PLEKHA6: variants seen among roughly 807,000 people sequenced by gnomAD.
PLEKHA6 encodes pleckstrin homology domain-containing family A member 6.
PLEKHA6 carries 60 observed loss-of-function variants against 116.7 expected under a neutral mutation model. The ratio of observed to expected loss-of-function variants is 0.51; its 90% CI spans 0.42 to 0.64. The LOEUF (loss-of-function observed/expected upper bound fraction) is 0.64, where lower values mean the gene tolerates loss of function less well. Ranked by LOEUF, PLEKHA6 falls within the 30% of genes least tolerant of loss-of-function variation. PLEKHA6 has a pLI of 0.00. For synonymous variants in PLEKHA6, 489 were observed against 556.1 expected, an observed-to-expected ratio of 0.88 and a Z score of 1.70; for missense variants, 1,338 against 1,422.7, an observed-to-expected ratio of 0.94 and a Z score of 0.96.
At chr1:204,369,440 T>A (rs916200490) in intron 2 of PLEKHA6, 8 of 152,174 alleles carry the variant, frequency 5.3e-5, no homozygotes, top group African/African-American at 1.9e-4. Context: ...ACGTTGCCAT[T>A]CAGGAGGGCG....
intron 1 of PLEKHA6, among the ~76,000 whole-genome samples, chr1:204,351,284 G>A (rs965337635): frequency 1.3e-5 from 2 of 152,158 alleles, no homozygotes; most frequent in Non-Finnish European, 2.9e-5. Context: ...TGTTTCCCAT[G>A]AAGCAGGCTC....
Position 204,257,369 on chromosome 1 carries a change from G to T in PLEKHA6, c.1508C>A (p.Ser503Tyr). The T allele has an allele frequency of 6.4e-7, 1 of 1,562,320 alleles. No individual in the cohort carries two copies. Among genetic ancestry groups the T allele is most frequent in the Non-Finnish European group, 8.7e-7 (1 of 1,152,790 alleles). ...GTGGCTCACCTTGGGGGAGCTGATG[G>T]ATCGCCTCATCACATAGGCAGCAGG... ...ADPAAYVMRR[S>Y]ISSPKVPPYP... Residue 503 changes from serine to tyrosine, a missense_variant, in exon 9 of 23, where the codon TCC becomes TAC. Physicochemically the swap from Ser to Tyr is moderately radical, Grantham distance 144. Transcript: ENST00000272203. The surrounding 1 kb of genome is among the most constrained non-coding windows in gnomAD (Gnocchi z 6.5).
chr1:204,247,613 C>T (rs551194088), intron 12 of PLEKHA6, among the ~76,000 whole-genome samples, 153 bp from the exon 13 acceptor site: 4 of 152,318 alleles, frequency 2.6e-5, no homozygotes, highest in African/African-American at 7.2e-5. Context: ...CAGGCTGAGA[C>T]ATTCTGGTGA....
chr1:204,270,691 A>G (rs1268008965), intron 3 of PLEKHA6, among the ~76,000 whole-genome samples: 1 of 152,178 alleles, frequency 6.6e-6, no homozygotes, highest in Non-Finnish European at 1.5e-5. Context: ...CGCCCTCTAC[A>G]ATGAACTAAG....
At chr1:204,241,330 C>G in intron 17 of PLEKHA6, 45 bp downstream of exon 17, 1 of 1,252,684 alleles carries the variant, frequency 8.0e-7, no homozygotes, top group Non-Finnish European at 1.2e-6. Flanking sequence ...GGCCCCTGGG[C>G]TCGCAGCCCA....
At chr1:204,326,881 C>T in intron 1 of PLEKHA6, 1 of 588,552 alleles carries the variant, frequency 1.7e-6, no homozygotes, top group Non-Finnish European at 2.1e-6. Context: ...CTAGCTCCCT[C>T]CTTCCTATAT....
At chr1:204,248,996 G>A (rs377032434) in intron 11 of PLEKHA6, 26 bp from the exon 12 acceptor site, 67 of 1,611,214 alleles carry the variant, frequency 4.2e-5, no homozygotes, top group Non-Finnish European at 5.4e-5. Flanking sequence ...GGAATGACAT[G>A]AGCAGCCCTG....
chr1:204,358,859 A>C (rs1311668192), intron 1 of PLEKHA6, among the ~76,000 whole-genome samples: 1 of 151,184 alleles, frequency 6.6e-6, no homozygotes, highest in Non-Finnish European at 1.5e-5. Flanking sequence ...TGTCTCAAAG[A>C]GCATTTCCCA....
chr1:204,322,140 G>A (rs1480550945), intron 1 of PLEKHA6, among the ~76,000 whole-genome samples: 1 of 152,190 alleles, frequency 6.6e-6, no homozygotes, highest in Non-Finnish European at 1.5e-5. Context: ...GAAAAGTGGT[G>A]CCCAGAGAGG....
At chr1:204,328,349 T>G (rs868117725) in intron 1 of PLEKHA6, among the ~76,000 whole-genome samples, 12 of 151,348 alleles carry the variant, frequency 7.9e-5, no homozygotes, top group Middle Eastern at 6.9e-3. Context: ...CCCAAAGTGC[T>G]GGGACTACAG....
chr1:204,315,909 G>T (rs1332339070), intron 1 of PLEKHA6, among the ~76,000 whole-genome samples: 3 of 152,200 alleles, frequency 2.0e-5, no homozygotes, highest in Non-Finnish European at 4.4e-5. Flanking sequence ...GATTACTGGG[G>T]TACCTGGACT....
At chr1:204,320,566 G>A (rs1672024297) in intron 1 of PLEKHA6, 2 of 777,186 alleles carry the variant, frequency 2.6e-6, no homozygotes, top group African/African-American at 3.7e-5. Context: ...TTTCCCTGGG[G>A]CAAAGAGATA....
At chr1:204,371,712 T>G (rs1673782487) in intron 1 of PLEKHA6, 1 of 152,204 alleles carries the variant, frequency 6.6e-6, no homozygotes, top group South Asian at 2.1e-4. Flanking sequence ...CCCAGACACA[T>G]GAGATGAGAG....
chr1:204,236,628 G>A (rs1662088955), intron 17 of PLEKHA6, among the ~76,000 whole-genome samples: 1 of 152,128 alleles, frequency 6.6e-6, no homozygotes, highest in African/African-American at 2.4e-5. Context: ...AGGCAAGGTG[G>A]GTGTAGCTAC....
intron 2 of PLEKHA6, chr1:204,371,400 A>G (rs1673776446): frequency 6.6e-6 from 1 of 152,238 alleles, no homozygotes; most frequent in Admixed American, 6.5e-5. Context: ...GGCAGTCCAA[A>G]TGCTAAGCTG....
At chr1:204,308,690 T>TTTTTTTTC (rs1671511280) in intron 1 of PLEKHA6, among the ~76,000 whole-genome samples, 1 of 116,184 alleles carries the variant, frequency 8.6e-6, no homozygotes, top group African/African-American at 3.4e-5. Context: ...TCTTTTTCTT[T>TTTTTTTTC]TTTTTTTTTT....
chr1:204,267,887 T>A (rs2102852395), intron 4 of PLEKHA6, among the ~76,000 whole-genome samples: 1 of 152,252 alleles, frequency 6.6e-6, no homozygotes, highest in Admixed American at 6.5e-5. Context: ...GAGACACCCC[T>A]ACCCCCCACC....
intron 1 of PLEKHA6, chr1:204,299,590 T>G: frequency 2.0e-6 from 2 of 976,456 alleles, no homozygotes; most frequent in Non-Finnish European, 2.4e-6. Context: ...AGGACAGCCA[T>G]TATTGAGGGG....
In PLEKHA6 at chr1:204,259,483, C is replaced by T. The variant is rs762070624; in HGVS notation, c.782G>A (p.Gly261Glu). Residue 261 changes from glycine to glutamate, a missense_variant, in exon 8 of 23, where the codon GGG becomes GAG. Transcript: ENST00000272203. This position sits in a 1 kb window ranked among gnomAD's most constrained non-coding sequence, Gnocchi z 4.6. The stretch of plus-strand genomic sequence containing the variant: ...GGGCTGGGCAGGCTGTTCCCCACCC[C>T]CTGGCACTCTTGGGCCCTCGGGGTA... Reference protein sequence around the residue: ...SPYPEGPRVPGGGEQPAQPNG... With the variant: ...SPYPEGPRVPEGGEQPAQPNG... 1.2e-5 allele frequency: 19 copies of T among 1,614,088 alleles called. No homozygotes were observed. Among genetic ancestry groups the T allele is most frequent in the Admixed American group, 1.7e-5 (1 of 60,014 alleles).
Sources: gnomAD v4.1 joint callset for allele counts (sites outside exome capture counted in the v4.1 genomes callset) on GRCh38, gnomAD v4.1.1 for gene constraint, Gnocchi (gnomAD v3.1) non-coding constraint, MANE v1.5 for transcripts, NCBI Gene and HGNC (gene_info 2026-07-23, HGNC 2026-07-21) for gene names.